The following ABCB7 variants were observed in gnomAD, a reference collection of about 807,000 sequenced individuals.
The protein encoded by ABCB7 is ATP binding cassette subfamily B member 7.
Under a neutral mutation model 54.4 loss-of-function variants are expected in ABCB7, and 7 were observed. The observed-to-expected ratio is 0.13, with a 90% confidence interval of 0.07 to 0.24. ABCB7 has a LOEUF of 0.24. Ranked by LOEUF, ABCB7 falls within the 10% of genes least tolerant of loss-of-function variation. The pLI is 1.00. For missense variants in ABCB7, 356 were observed against 570.4 expected (o/e 0.62, Z 3.83); for synonymous variants, 218 against 207.1 (o/e 1.05, Z -0.45).
chrX:75,067,815 G>A (rs906636448), intron 12 of ABCB7, among the ~76,000 whole-genome samples: 3 of 110,872 alleles, frequency 2.7e-5, no homozygotes, highest in African/African-American at 9.9e-5. Flanking sequence ...TACAATCTAT[G>A]AACCATCTAT....
Position 75,070,345 on chromosome X carries a change from G to C in ABCB7, c.1365+20C>G. The C allele has an allele frequency of 8.4e-7, 1 of 1,191,506 alleles. No individual in the cohort carries two copies. Among genetic ancestry groups the C allele is most frequent in the Non-Finnish European group, 1.1e-6 (1 of 877,825 alleles). ...ATGATGTTCACATACTTTTGAAAAG[G>C]TACTATATAGATTACTTACTTTAAT... On this transcript the variant is annotated intron_variant, in intron 10 of 15. Transcript: ENST00000373394.
At chrX:75,105,708 T>C (rs1377144498) in intron 3 of ABCB7, among the ~76,000 whole-genome samples, 8 of 111,933 alleles carry the variant, frequency 7.1e-5, no homozygotes, top group Admixed American at 3.8e-4. Context: ...AAAGCAATCC[T>C]AAGCAAAAAG....
intron 15 of ABCB7, among the ~76,000 whole-genome samples, chrX:75,057,561 A>G (rs776236732): frequency 3.6e-5 from 4 of 109,743 alleles, no homozygotes; most frequent in Non-Finnish European, 5.7e-5. Flanking sequence ...ATCTCTGAGC[A>G]TATTAAGAAA....
intron 1 of ABCB7, among the ~76,000 whole-genome samples, chrX:75,143,228 C>G (rs2082067459): frequency 9.0e-6 from 1 of 111,492 alleles, no homozygotes; most frequent in African/African-American, 3.3e-5. Context: ...TAAATCATCT[C>G]TCTCAAGTTC....
intron 13 of ABCB7, among the ~76,000 whole-genome samples, chrX:75,064,690 T>C (rs1225354528): frequency 5.4e-5 from 6 of 111,361 alleles, no homozygotes; most frequent in Non-Finnish European, 9.4e-5. Flanking sequence ...ATGAGAGATA[T>C]ACACTATTCG....
At chrX:75,155,277 C>G (rs2147592629) in intron 1 of ABCB7, among the ~76,000 whole-genome samples, 1 of 112,799 alleles carries the variant, frequency 8.9e-6, no homozygotes, top group African/African-American at 3.2e-5. Flanking sequence ...GTTTCTCATA[C>G]AAAACTGACA....
intron 4 of ABCB7, among the ~76,000 whole-genome samples, chrX:75,089,506 T>C (rs1326481927): frequency 9.0e-6 from 1 of 110,877 alleles, no homozygotes; most frequent in African/African-American, 3.3e-5. Flanking sequence ...CCTATAAATG[T>C]ATAATGCAAA....
chrX:75,110,600 G>C (rs2081751108), intron 3 of ABCB7, among the ~76,000 whole-genome samples: 1 of 112,043 alleles, frequency 8.9e-6, no homozygotes, highest in African/African-American at 3.2e-5. Context: ...ACATAAAAAA[G>C]AGTATGTCAA....
chrX:75,153,063 T>C (rs1193540190), intron 1 of ABCB7, among the ~76,000 whole-genome samples: 2 of 109,782 alleles, frequency 1.8e-5, no homozygotes, highest in East Asian at 5.8e-4. Flanking sequence ...AGTTCTGTTT[T>C]TGTTGTTGTT....
In ABCB7 at chrX:75,078,936, C is replaced by T. The variant is rs747469854; in HGVS notation, c.454-2282G>A. Among the ~76,000 whole-genome samples, 9 of 112,008 alleles carry T rather than the reference C, an allele frequency of 8.0e-5. No homozygotes were observed. In the South Asian group the frequency reaches 3.3e-3, roughly 42 times the overall value. ...TTTTCCATTTAAGGATACAGTCCCT[C>T]ACCTGCAATCCAATACACTTTCTTC... On this transcript the variant is annotated intron_variant, in intron 4 of 15. Transcript: ENST00000373394.
chrX:75,104,420 T>C (rs933595556), intron 3 of ABCB7, among the ~76,000 whole-genome samples: 1 of 109,572 alleles, frequency 9.1e-6, no homozygotes, highest in African/African-American at 3.3e-5. Context: ...AGCACTTCTA[T>C]GCATACAAAC....
chrX:75,108,581 G>GAAA (rs776151797), intron 3 of ABCB7, among the ~76,000 whole-genome samples: 20 of 69,931 alleles, frequency 2.9e-4, no homozygotes, highest in African/African-American at 9.5e-4. Flanking sequence ...ATTAGATCCA[G>GAAA]AAAAAAAAAA....
intron 1 of ABCB7, among the ~76,000 whole-genome samples, chrX:75,118,854 C>CAGAGGGAA (rs2081847748): frequency 9.0e-6 from 1 of 111,299 alleles, no homozygotes; most frequent in Non-Finnish European, 1.9e-5. Context: ...TGAGCTGATT[C>CAGAGGGAA]CCTCTTTTTG....
intron 4 of ABCB7, among the ~76,000 whole-genome samples, chrX:75,083,634 A>C (rs2081473937): frequency 9.1e-6 from 1 of 110,479 alleles, no homozygotes; most frequent in Non-Finnish European, 1.9e-5. Flanking sequence ...TGGAATAGCT[A>C]AAAACAATTT....
At chrX:75,086,408 G>A (rs2081497726) in intron 4 of ABCB7, among the ~76,000 whole-genome samples, 1 of 111,238 alleles carries the variant, frequency 9.0e-6, no homozygotes, top group South Asian at 3.8e-4. Context: ...AGTTTGCTGA[G>A]GACCTCAAGT....
chrX:75,130,286 T>C (rs1052462766), intron 1 of ABCB7, among the ~76,000 whole-genome samples: 3 of 112,129 alleles, frequency 2.7e-5, no homozygotes, highest in African/African-American at 9.7e-5. Context: ...GCTATAAAAA[T>C]TCATCCCTCC....
chrX:75,106,159 G>T (rs1017622676), intron 3 of ABCB7, among the ~76,000 whole-genome samples: 1 of 111,180 alleles, frequency 9.0e-6, no homozygotes, highest in Non-Finnish European at 1.9e-5. Context: ...ATAATTAACA[G>T]ATTAAATAGA....
In ABCB7 at chrX:75,112,833, T is replaced by G. The variant is rs1301699093; in HGVS notation, c.333+53A>C. On this transcript the variant is annotated intron_variant, in intron 3 of 15. Coordinates refer to ENST00000373394, the MANE Select transcript of ABCB7 (RefSeq NM_001271696.3). ...ATTATAATCTTAAATACATATATCTTCTGTGCAAGGACAATCATCAAGAAT... is the reference window on the plus strand; with the variant it reads ...ATTATAATCTTAAATACATATATCTGCTGTGCAAGGACAATCATCAAGAAT... 3.1e-6 allele frequency: 3 copies of G among 959,279 alleles called. No homozygotes were observed. The African/African-American group carries it at 5.8e-5, about 18-fold the overall frequency. 79.1% of individuals were successfully genotyped at this position (959,279 alleles called of 1,213,427 possible). A position where few individuals can be genotyped will look rare whatever the true frequency, so the allele number is the denominator to read the frequency against.
At chrX:75,075,755 T>A (rs1219415202) in intron 5 of ABCB7, 125 bp from the exon 6 acceptor site, 2 of 693,710 alleles carry the variant, frequency 2.9e-6, no homozygotes, top group East Asian at 7.0e-5. Context: ...TATCACAGAA[T>A]ATTTACAATA....
Sources: allele counts gnomAD v4.1 joint callset (sites outside exome capture counted in the v4.1 genomes callset), GRCh38; gene constraint gnomAD v4.1.1; transcripts MANE v1.5; gene names NCBI Gene and HGNC (gene_info 2026-07-23, HGNC 2026-07-21).